The following LDLRAD4 variants were observed in gnomAD, a reference collection of about 807,000 sequenced individuals.
The protein encoded by LDLRAD4 is low-density lipoprotein receptor class A domain-containing protein 4.
In LDLRAD4, 5 loss-of-function variants were observed where a neutral mutation model predicts 17.0. That is an observed-to-expected ratio of 0.29 (90% CI 0.15 to 0.62). The LOEUF (loss-of-function observed/expected upper bound fraction) is 0.62. LDLRAD4 is among the 20% of genes least tolerant of loss of function. The pLI, the probability that LDLRAD4 is intolerant of heterozygous loss-of-function variation, is 0.84. For synonymous variants in LDLRAD4, 168 were observed against 171.8 expected, an observed-to-expected ratio of 0.98 and a Z score of 0.17; for missense variants, 340 against 424.7, an observed-to-expected ratio of 0.80 and a Z score of 1.75.
chr18:13,471,975 C>T (rs904600490), intron 3 of LDLRAD4: 2 of 152,236 alleles, frequency 1.3e-5, no homozygotes, highest in African/African-American at 4.8e-5. Flanking sequence ...AAGCTCTGGT[C>T]ATAAAAACAC....
intron 3 of LDLRAD4, among the ~76,000 whole-genome samples, chr18:13,526,932 C>G (rs1024849280): frequency 1.3e-5 from 2 of 152,122 alleles, no homozygotes; most frequent in Non-Finnish European, 2.9e-5. Flanking sequence ...GAGTGGTGTC[C>G]TGGCCCCTTT....
intron 3 of LDLRAD4, chr18:13,614,339 G>A (rs2039886205): frequency 6.6e-6 from 1 of 152,020 alleles, no homozygotes. Context: ...GTCCCCAAAG[G>A]TAGTGAACCC....
chr18:13,253,428 C>T (rs1332150040), intron 1 of LDLRAD4, among the ~76,000 whole-genome samples: 1 of 152,094 alleles, frequency 6.6e-6, no homozygotes, highest in Non-Finnish European at 1.5e-5. Flanking sequence ...AGTCTTTTTC[C>T]CTTTTCCACA....
At chr18:13,297,740 C>A (rs543910983) in intron 1 of LDLRAD4, among the ~76,000 whole-genome samples, 1 of 152,324 alleles carries the variant, frequency 6.6e-6, no homozygotes, top group Admixed American at 6.5e-5. Flanking sequence ...GTTGAGGCTG[C>A]AGTGAACTAT....
At chr18:13,335,657 C>T (rs1490227883) in intron 1 of LDLRAD4, among the ~76,000 whole-genome samples, 5 of 152,238 alleles carry the variant, frequency 3.3e-5, no homozygotes, top group Non-Finnish European at 7.4e-5. Flanking sequence ...TCAGGAATTC[C>T]GGAATGCCTG....
intron 3 of LDLRAD4, among the ~76,000 whole-genome samples, chr18:13,480,378 G>A (rs1285982087): frequency 2.0e-5 from 3 of 152,226 alleles, no homozygotes; most frequent in Admixed American, 6.5e-5. Context: ...AAACTGTAGA[G>A]ATAGTAAGAA....
At chr18:13,579,584 A>G (rs1000957725) in intron 3 of LDLRAD4, among the ~76,000 whole-genome samples, 2 of 152,232 alleles carry the variant, frequency 1.3e-5, no homozygotes, top group Admixed American at 1.3e-4. Context: ...GGGAAAGGCC[A>G]ATGTAGTTAA....
chr18:13,247,590 C>T (rs183872184), intron 1 of LDLRAD4, among the ~76,000 whole-genome samples: 34 of 152,198 alleles, frequency 2.2e-4, no homozygotes, highest in African/African-American at 4.6e-4. Flanking sequence ...AGTTGACGGC[C>T]GCCCATTTTC....
intron 1 of LDLRAD4, among the ~76,000 whole-genome samples, chr18:13,376,692 G>T (rs1238437774): frequency 6.6e-6 from 1 of 152,124 alleles, no homozygotes; most frequent in African/African-American, 2.4e-5. Flanking sequence ...TCTATCACAC[G>T]CGGTTCCAGA....
intron 3 of LDLRAD4, among the ~76,000 whole-genome samples, chr18:13,457,464 G>A (rs934917416): frequency 5.3e-5 from 8 of 152,286 alleles, no homozygotes; most frequent in South Asian, 4.1e-4. Context: ...TTTCTTCCCC[G>A]CTGGTGGGGA....
intron 1 of LDLRAD4, among the ~76,000 whole-genome samples, chr18:13,328,218 C>T (rs2081639170): frequency 6.6e-6 from 1 of 152,196 alleles, no homozygotes; most frequent in African/African-American, 2.4e-5. Context: ...CTTGTGTCCT[C>T]TGCTTCACCT....
intron 3 of LDLRAD4, among the ~76,000 whole-genome samples, chr18:13,468,216 G>A (rs1319113292): frequency 6.6e-6 from 1 of 152,128 alleles, no homozygotes; most frequent in Non-Finnish European, 1.5e-5. Flanking sequence ...CTACAAAATG[G>A]GAGAAAATAT....
chr18:13,300,280 C>G lies in LDLRAD4; in HGVS notation c.-383+22092C>G, dbSNP rs1391362926. On this transcript the variant is annotated intron_variant, in intron 1 of 5. Transcript: ENST00000359446. The surrounding 1 kb of genome is among the most constrained non-coding windows in gnomAD (Gnocchi z 4.2). ...AGGGGGCCGGCAGCCTCTTCCCACT[C>G]TCCTGCCCACCCCGCGCCTGTGCTC... is the stretch of plus-strand genomic sequence containing the variant. Among the ~76,000 whole-genome samples, 1 of 152,242 alleles carries G rather than the reference C, an allele frequency of 6.6e-6. No individual in the cohort carries two copies. Among genetic ancestry groups the G allele is most frequent in the East Asian group, 1.9e-4 (1 of 5,186 alleles).
intron 3 of LDLRAD4, among the ~76,000 whole-genome samples, chr18:13,595,559 G>C (rs1422118345): frequency 6.6e-6 from 1 of 152,080 alleles, no homozygotes; most frequent in African/African-American, 2.4e-5. Flanking sequence ...ATATTGCCCA[G>C]ACTGGTCTTG....
intron 3 of LDLRAD4, among the ~76,000 whole-genome samples, chr18:13,485,998 C>T (rs1164007790): frequency 6.6e-6 from 1 of 152,238 alleles, no homozygotes; most frequent in African/African-American, 2.4e-5. Context: ...TAAAGCGGGA[C>T]TTTTCCCTTC....
In LDLRAD4 at chr18:13,627,798, C is replaced by T. The variant is rs539289072; in HGVS notation, c.336+6527C>T. Among the ~76,000 whole-genome samples, 393 of 152,320 alleles carry T rather than the reference C, an allele frequency of 2.6e-3. 3 individuals are homozygous for T. Among genetic ancestry groups the T allele is most frequent in the African/African-American group, 9.0e-3 (376 of 41,564 alleles). On this transcript the variant is annotated intron_variant, in intron 4 of 5. Coordinates refer to ENST00000359446, the Ensembl canonical transcript of LDLRAD4. The stretch of plus-strand genomic sequence containing the variant: ...CATGGGCTCCCCGCTCTCTGAGGCT[C>T]GGCCCTGCACCAGCAGCCTCTCTGC...
intron 3 of LDLRAD4, among the ~76,000 whole-genome samples, chr18:13,579,439 C>G (rs2094825141): frequency 6.6e-6 from 1 of 152,158 alleles, no homozygotes; most frequent in Admixed American, 6.5e-5. Flanking sequence ...TTCCTCCTAC[C>G]TTCTGAGCCA....
chr18:13,510,286 G>A (rs2093757119), intron 3 of LDLRAD4, among the ~76,000 whole-genome samples: 1 of 152,126 alleles, frequency 6.6e-6, no homozygotes, highest in African/African-American at 2.4e-5. Flanking sequence ...TGTGGGAATG[G>A]GGACCTATGA....
intron 5 of LDLRAD4, among the ~76,000 whole-genome samples, chr18:13,644,289 C>T (rs1340742284): frequency 6.6e-6 from 1 of 151,456 alleles, no homozygotes; most frequent in Non-Finnish European, 1.5e-5. Context: ...GAGTTCTGGC[C>T]GGCGCAGTAG....
Sources: gnomAD v4.1 joint callset for allele counts (sites outside exome capture counted in the v4.1 genomes callset) on GRCh38, gnomAD v4.1.1 for gene constraint, Gnocchi (gnomAD v3.1) non-coding constraint, MANE v1.5 for transcripts, NCBI Gene and HGNC (gene_info 2026-07-23, HGNC 2026-07-21) for gene names.